The following NRXN3 variants were observed in gnomAD, a reference collection of about 807,000 sequenced individuals.
NRXN3 encodes the protein neurexin 3.
NRXN3 carries 32 observed loss-of-function variants against 137.6 expected under a neutral mutation model. The observed-to-expected ratio is 0.23, with a 90% CI of 0.18 to 0.31. The LOEUF (loss-of-function observed/expected upper bound fraction) is 0.31, where lower values mean the gene tolerates loss of function less well. Ranked by LOEUF, NRXN3 falls within the 10% of genes least tolerant of loss-of-function variation. NRXN3 has a pLI of 1.00. For synonymous variants in NRXN3, 798 were observed against 784.5 expected, an observed-to-expected ratio of 1.02 and a Z score of -0.29; for missense variants, 1,574 against 2,062.5, an observed-to-expected ratio of 0.76 and a Z score of 4.59.
intron 15 of NRXN3, among the ~76,000 whole-genome samples, chr14:79,212,766 G>A (rs1293815171): frequency 6.6e-6 from 1 of 151,530 alleles, no homozygotes; most frequent in Non-Finnish European, 1.5e-5. Flanking sequence ...TTCATTGCAG[G>A]CCTTCTCAGA....
chr14:78,988,058 A>G lies in NRXN3; in HGVS notation c.3179A>G (p.Asn1060Ser). 6.2e-7 allele frequency: 1 copy of G among 1,613,884 alleles called. No individual in the cohort carries two copies. Among genetic ancestry groups the G allele is most frequent in the Non-Finnish European group, 8.5e-7 (1 of 1,179,902 alleles). The stretch of plus-strand genomic sequence containing the variant: ...ACCTGCCAGGAAGATTCATGTGCCA[A>G]CCAGGGGGTCTGCATGCAACAATGG... ...STTCQEDSCA[N>S]QGVCMQQWEG... The change falls in exon 15 of 21, where the codon AAC becomes AGC. Residue 1060 changes from asparagine to serine, a missense_variant. Transcript: ENST00000335750.
intron 2 of NRXN3, among the ~76,000 whole-genome samples, chr14:78,266,825 A>G (rs2071830295): frequency 6.6e-6 from 1 of 151,970 alleles, no homozygotes; most frequent in South Asian, 2.1e-4. Flanking sequence ...TTTTTTTTTA[A>G]TGGGAGAAAT....
At chr14:79,591,324 A>C (rs1042718125) in intron 16 of NRXN3, among the ~76,000 whole-genome samples, 2 of 152,214 alleles carry the variant, frequency 1.3e-5, no homozygotes, top group Non-Finnish European at 2.9e-5. Context: ...TATGATTGTC[A>C]CTAGCTCACT....
chr14:79,849,117 G>C (rs748967517), intron 20 of NRXN3, among the ~76,000 whole-genome samples: 19 of 152,080 alleles, frequency 1.2e-4, no homozygotes, highest in Admixed American at 3.3e-4. Context: ...CATTTCCTTT[G>C]CTCCAGCTAC....
At chr14:79,495,181 A>G (rs1017148324) in intron 16 of NRXN3, among the ~76,000 whole-genome samples, 4 of 152,208 alleles carry the variant, frequency 2.6e-5, no homozygotes, top group Non-Finnish European at 5.9e-5. Flanking sequence ...TGCGCAGGCC[A>G]CCAAGGCCAG....
chr14:78,999,319 A>G (rs1165379319), intron 15 of NRXN3, among the ~76,000 whole-genome samples: 5 of 152,324 alleles, frequency 3.3e-5, no homozygotes, highest in African/African-American at 1.2e-4. Flanking sequence ...GAAAACACAT[A>G]AAAGTATGAG....
intron 10 of NRXN3, among the ~76,000 whole-genome samples, chr14:78,928,258 A>G (rs2099311664): frequency 1.3e-5 from 2 of 152,174 alleles, no homozygotes; most frequent in South Asian, 4.1e-4. Context: ...TACAGATTTT[A>G]GAGCAGGACT....
At chr14:79,734,110 C>T (rs2098933776) in intron 19 of NRXN3, among the ~76,000 whole-genome samples, 1 of 152,172 alleles carries the variant, frequency 6.6e-6, no homozygotes, top group Non-Finnish European at 1.5e-5. Context: ...AATTCATGGT[C>T]TGCACCTCCC....
chr14:78,179,810 G>GTTTTTTTTTTTT (rs1164540691), intron 1 of NRXN3, among the ~76,000 whole-genome samples: 1 of 28,842 alleles, frequency 3.5e-5, no homozygotes, highest in African/African-American at 1.5e-4. Flanking sequence ...TTTGTTCTTT[G>GTTTTTTTTTTTT]TTTTTTTTTT....
chr14:78,770,366 C>A (rs1458247113), intron 8 of NRXN3, among the ~76,000 whole-genome samples: 1 of 152,142 alleles, frequency 6.6e-6, no homozygotes, highest in African/African-American at 2.4e-5. Context: ...AGCCATGATT[C>A]CTTTCAGAGT....
chr14:79,330,373 G>C (rs1291855161), intron 15 of NRXN3, among the ~76,000 whole-genome samples: 1 of 152,162 alleles, frequency 6.6e-6, no homozygotes, highest in African/African-American at 2.4e-5. Context: ...GAGAAGAAAA[G>C]ATGGGAAATT....
At chr14:79,130,491 A>G (rs558901255) in intron 15 of NRXN3, among the ~76,000 whole-genome samples, 1 of 152,170 alleles carries the variant, frequency 6.6e-6, no homozygotes, top group Admixed American at 6.5e-5. Flanking sequence ...TTCTTTAAGA[A>G]TGTTGAATAT....
intron 4 of NRXN3, among the ~76,000 whole-genome samples, chr14:78,394,503 A>G (rs1361003757): frequency 2.0e-5 from 3 of 151,826 alleles, no homozygotes; most frequent in South Asian, 2.1e-4. Flanking sequence ...TTTTGTGTCT[A>G]TATTTATAAA....
intron 15 of NRXN3, among the ~76,000 whole-genome samples, chr14:79,317,047 G>A (rs780187138): frequency 5.9e-5 from 9 of 151,902 alleles, no homozygotes; most frequent in Non-Finnish European, 1.3e-4. Flanking sequence ...CCTGGCTGAC[G>A]TGGTGAAACC....
chr14:79,597,021 C>A (rs555819272), intron 16 of NRXN3, among the ~76,000 whole-genome samples: 1 of 152,160 alleles, frequency 6.6e-6, no homozygotes, highest in South Asian at 2.1e-4. Context: ...CAGATGGATC[C>A]CCTACCTGGC....
chr14:78,531,423 T>C (rs1351126457), intron 4 of NRXN3, among the ~76,000 whole-genome samples: 1 of 152,222 alleles, frequency 6.6e-6, no homozygotes, highest in Non-Finnish European at 1.5e-5. Context: ...CTACAACTAA[T>C]GTTGCTTGAT....
chr14:78,754,297 C>G (rs1251248752), intron 8 of NRXN3, among the ~76,000 whole-genome samples: 5 of 152,176 alleles, frequency 3.3e-5, no homozygotes, highest in Non-Finnish European at 7.3e-5. Flanking sequence ...TTACAAGGCT[C>G]TGTACCAGTT....
At chr14:78,266,862 G>T (rs887607979) in intron 2 of NRXN3, among the ~76,000 whole-genome samples, 5 of 152,092 alleles carry the variant, frequency 3.3e-5, no homozygotes, top group Admixed American at 1.3e-4. Context: ...AAGCTGAAAA[G>T]CTGCCAAGGG....
intron 2 of NRXN3, among the ~76,000 whole-genome samples, chr14:78,244,482 T>C (rs2067404702): frequency 6.6e-6 from 1 of 151,788 alleles, no homozygotes; most frequent in South Asian, 2.1e-4. Context: ...CCTGTGTCTC[T>C]CCTGAGCCCT....
Sources: gnomAD v4.1 joint callset for allele counts (sites outside exome capture counted in the v4.1 genomes callset) on GRCh38, gnomAD v4.1.1 for gene constraint, MANE v1.5 for transcripts, NCBI Gene and HGNC (gene_info 2026-07-23, HGNC 2026-07-21) for gene names.